The following TRDMT1 variants were observed in gnomAD, a reference collection of about 807,000 sequenced individuals.
TRDMT1 encodes tRNA aspartic acid methyltransferase 1, also known as tRNA (cytosine(38)-C(5))-methyltransferase.
A neutral mutation model predicts 51.2 loss-of-function variants in TRDMT1; 49 were observed. The observed-to-expected ratio is 0.96, with a 90% CI of 0.76 to 1.21. The LOEUF is 1.21. TRDMT1 is among the 50% of genes most tolerant of loss of function. TRDMT1 has a pLI of 0.00. For missense variants in TRDMT1, 534 were observed against 462.3 expected, an observed-to-expected ratio of 1.16 and a Z score of -1.42; for synonymous variants, 187 against 164.6, an observed-to-expected ratio of 1.14 and a Z score of -1.04.
chr10:17,153,502 C>T lies in TRDMT1; in HGVS notation c.1075+5G>A. The T allele has an allele frequency of 3.1e-6, 5 of 1,613,858 alleles. No individual in the cohort carries two copies. The highest frequency in any genetic ancestry group is 4.2e-6 in the Non-Finnish European group (5 of 1,179,878). On this transcript the variant is annotated splice_donor_5th_base_variant and intron_variant, in intron 10 of 10. Coordinates refer to ENST00000377799, the MANE Select transcript of TRDMT1 (RefSeq NM_004412.7). ...AAAGCTGAATTCTGCACGTATCCCA[C>T]ATACCGAACTCTGGAGGAAATCCAA... is the stretch of plus-strand genomic sequence containing the variant.
intron 10 of TRDMT1, among the ~76,000 whole-genome samples, chr10:17,152,358 G>T (rs1838862254): frequency 6.6e-6 from 1 of 152,242 alleles, no homozygotes; most frequent in East Asian, 1.9e-4. Context: ...TACCAAGAGA[G>T]TAGTCAAATT....
chr10:17,195,475 G>C (rs1845281552), intron 1 of TRDMT1, among the ~76,000 whole-genome samples: 1 of 152,038 alleles, frequency 6.6e-6, no homozygotes, highest in Non-Finnish European at 1.5e-5. Flanking sequence ...GGGCAGCAAA[G>C]GTTAAAAAAC....
chr10:17,158,915 C>G (rs762323233), intron 7 of TRDMT1, among the ~76,000 whole-genome samples: 1 of 151,856 alleles, frequency 6.6e-6, no homozygotes, highest in Non-Finnish European at 1.5e-5. Context: ...CATTTGTTTT[C>G]TAATGAGAAA....
chr10:17,195,786 A>G (rs944609410), intron 1 of TRDMT1, among the ~76,000 whole-genome samples: 30 of 152,320 alleles, frequency 2.0e-4, no homozygotes, highest in African/African-American at 7.0e-4. Context: ...ATTAACTTCC[A>G]CAGCTGCCAG....
At chr10:17,160,446 G>T (rs1840176658) in intron 5 of TRDMT1, 72 bp from the exon 6 acceptor site, 2 of 1,051,604 alleles carry the variant, frequency 1.9e-6, no homozygotes, top group Non-Finnish European at 1.3e-6. Context: ...GTACACAAAA[G>T]CTGGGTTTCT....
Position 17,143,734 on chromosome 10 carries a change from T to C in TRDMT1, c.*5306A>G, listed in dbSNP as rs1202035280. 2.0e-6 allele frequency: 2 copies of C among 985,262 alleles called. No individual in the cohort carries two copies. Among genetic ancestry groups the C allele is most frequent in the Non-Finnish European group, 2.4e-6 (2 of 829,924 alleles). 61.0% of individuals were successfully genotyped at this position (985,262 alleles called of 1,614,324 possible). Reference sequence around the variant, plus strand: ...TAAATGATCGTTCAGAGGCCTGCCTTAGGAAGGCCATTTTAACAGAAGCTG... The same window carrying C: ...TAAATGATCGTTCAGAGGCCTGCCTCAGGAAGGCCATTTTAACAGAAGCTG... On this transcript the variant is annotated 3_prime_UTR_variant, in exon 11 of 11. Coordinates refer to ENST00000377799, the MANE Select transcript of TRDMT1 (RefSeq NM_004412.7).
intron 1 of TRDMT1, among the ~76,000 whole-genome samples, chr10:17,190,826 TC>T (rs1374796277): frequency 1.3e-5 from 2 of 152,186 alleles, no homozygotes; most frequent in Non-Finnish European, 2.9e-5. Context: ...ACAAAGCCTA[TC>T]CTATCATGGA....
At chr10:17,152,388 T>C (rs965363583) in intron 10 of TRDMT1, among the ~76,000 whole-genome samples, 12 of 152,208 alleles carry the variant, frequency 7.9e-5, no homozygotes, top group Admixed American at 2.6e-4. Context: ...GTTTGTTCCC[T>C]ATGTACAAAA....
chr10:17,198,813 A>G (rs1845778370), intron 1 of TRDMT1, among the ~76,000 whole-genome samples: 1 of 152,232 alleles, frequency 6.6e-6, no homozygotes, highest in Non-Finnish European at 1.5e-5. Flanking sequence ...GTTGTGTTTT[A>G]CCACAATAAA....
At chr10:17,158,575 A>G (rs1258178044) in intron 7 of TRDMT1, among the ~76,000 whole-genome samples, 1 of 152,124 alleles carries the variant, frequency 6.6e-6, no homozygotes. Flanking sequence ...GAAATGCTGA[A>G]ACTCAGTTAT....
chr10:17,196,776 G>A (rs930976235), intron 1 of TRDMT1, among the ~76,000 whole-genome samples: 5 of 152,158 alleles, frequency 3.3e-5, no homozygotes, highest in African/African-American at 1.2e-4. Context: ...TTGTCTGGCC[G>A]TGGTATCTAG....
Position 17,149,149 on chromosome 10 carries a change from A to C in TRDMT1, c.1076-9T>G. ...TATCTTCTCAGGAAATCCTAAAAAG[A>C]CAAAGAACAATTTAAAGAAATCATT... On this transcript the variant is annotated splice_polypyrimidine_tract_variant and intron_variant, in intron 10 of 10. Transcript: ENST00000377799. 2 of 1,587,792 alleles carry C rather than the reference A, an allele frequency of 1.3e-6. No homozygotes were observed. Among genetic ancestry groups the C allele is most frequent in the South Asian group, 2.2e-5 (2 of 89,626 alleles).
intron 1 of TRDMT1, among the ~76,000 whole-genome samples, chr10:17,187,267 GA>G (rs1481177835): frequency 1.3e-5 from 2 of 151,956 alleles, no homozygotes; most frequent in Non-Finnish European, 2.9e-5. Context: ...TAAAAAACAA[GA>G]AATGCACATA....
chr10:17,181,993 C>T (rs1843338856), intron 1 of TRDMT1, among the ~76,000 whole-genome samples: 3 of 152,148 alleles, frequency 2.0e-5, no homozygotes, highest in Admixed American at 6.5e-5. Flanking sequence ...CTAGAAGCCT[C>T]GGTCAAGTGC....
chr10:17,172,340 A>G (rs535276079), intron 2 of TRDMT1, among the ~76,000 whole-genome samples: 3 of 152,256 alleles, frequency 2.0e-5, no homozygotes, highest in South Asian at 2.1e-4. Context: ...TTTTACAAAA[A>G]TATCTTTCAA....
At chr10:17,179,323 T>C (rs1018981150) in intron 1 of TRDMT1, among the ~76,000 whole-genome samples, 7 of 152,232 alleles carry the variant, frequency 4.6e-5, no homozygotes, top group Admixed American at 2.6e-4. Context: ...GCTATTCACT[T>C]TCAGCAGGGG....
At chr10:17,177,713 A>AAC (rs372220525) in intron 1 of TRDMT1, among the ~76,000 whole-genome samples, 9,865 of 146,778 alleles carry the variant, frequency 0.067, 611 homozygotes, top group African/African-American at 0.18. Flanking sequence ...ATAGACAAGA[A>AAC]ACACACACAC....
At position 17,146,130 on chromosome 10, in the gene TRDMT1, C is replaced by T; in HGVS notation, c.*2910G>A. 1.0e-6 allele frequency: 1 copy of T among 985,442 alleles called. No homozygotes were observed. Among genetic ancestry groups the T allele is most frequent in the Non-Finnish European group, 1.2e-6 (1 of 829,936 alleles). 61.0% of individuals were successfully genotyped at this position (985,442 alleles called of 1,614,324 possible). On this transcript the variant is annotated 3_prime_UTR_variant, in exon 11 of 11. Coordinates refer to ENST00000377799, the MANE Select transcript of TRDMT1 (RefSeq NM_004412.7). ...AAAGCCTCTCTACTAAATAACTTTA[C>T]CTCTTTGAAAAGTTGGATAATTTCA...
chr10:17,143,289 G>C lies in TRDMT1; in HGVS notation c.*5751C>G, dbSNP rs559630965. The C allele has an allele frequency of 1.0e-5, 10 of 984,578 alleles. No individual in the cohort carries two copies. Among genetic ancestry groups the C allele is most frequent in the East Asian group, 1.1e-4 (1 of 8,806 alleles). The allele number at this position is 984,578 out of a possible 1,614,324, so 61.0% of individuals were successfully genotyped here. The stretch of plus-strand genomic sequence containing the variant: ...GTGCCAGTACTGTTTTAAGTCACTG[G>C]GGGGACAACGTATTAACAATCTCTG... On this transcript the variant is annotated 3_prime_UTR_variant, in exon 11 of 11. Coordinates refer to ENST00000377799, the MANE Select transcript of TRDMT1 (RefSeq NM_004412.7).
Sources: gnomAD v4.1 joint callset for allele counts (sites outside exome capture counted in the v4.1 genomes callset) on GRCh38, gnomAD v4.1.1 for gene constraint, MANE v1.5 for transcripts, NCBI Gene and HGNC (gene_info 2026-07-23, HGNC 2026-07-21) for gene names.